Variants in XXYLT1 observed in about 807,000 individuals in gnomAD.
XXYLT1 encodes the protein xyloside xylosyltransferase 1.
In XXYLT1, 20 loss-of-function variants were observed where a neutral mutation model predicts 28.9. That is an observed-to-expected ratio of 0.69 (90% CI 0.49 to 1.00). The LOEUF (loss-of-function observed/expected upper bound fraction) is 1.00, where lower values mean the gene tolerates loss of function less well. XXYLT1 is among the 50% of genes least tolerant of loss of function. XXYLT1 has a pLI of 0.00. For synonymous variants in XXYLT1, 257 were observed against 253.8 expected (o/e 1.01, Z -0.12); for missense variants, 542 against 560.1 (o/e 0.97, Z 0.33).
Position 195,085,871 on chromosome 3 carries a change from G to C in XXYLT1, c.786-15760C>G, listed in dbSNP as rs530873015. Reference sequence around the variant, plus strand: ...GGCTAGCCTCCTCCCCCACCCCGAGGCTAGCCCCTGAGGCAGCTGCCCCCA... The same window carrying C: ...GGCTAGCCTCCTCCCCCACCCCGAGCCTAGCCCCTGAGGCAGCTGCCCCCA... On this transcript the variant is annotated intron_variant, in intron 3 of 3. Coordinates refer to ENST00000310380, the MANE Select transcript of XXYLT1 (RefSeq NM_152531.5). The C allele has an allele frequency of 2.7e-4, 41 of 152,450 alleles. 2 individuals carry two copies. The South Asian group carries it at 6.4e-3, about 24-fold the overall frequency. The allele number at this position is 152,450 out of a possible 1,614,324, so 9.4% of individuals were successfully genotyped here.
In XXYLT1 at chr3:195,187,388, C is replaced by T. The variant is rs75591803; in HGVS notation, c.653-30807G>A. Among the ~76,000 whole-genome samples the T allele has an allele frequency of 5.8e-3, 887 of 152,284 alleles. 5 individuals carry two copies. Among genetic ancestry groups the T allele is most frequent in the African/African-American group, 0.02 (836 of 41,562 alleles). On this transcript the variant is annotated intron_variant, in intron 2 of 3. Transcript: ENST00000310380. ...AGCTGAAGCTTTGCTTCTCACTCCT[C>T]CCAACTGTCTCTTCTGTGTCCCTTC... is the stretch of plus-strand genomic sequence containing the variant.
chr3:195,266,062 G>C (rs971381711), intron 1 of XXYLT1, among the ~76,000 whole-genome samples: 1 of 152,184 alleles, frequency 6.6e-6, no homozygotes, highest in Non-Finnish European at 1.5e-5. Flanking sequence ...GACAACAGAT[G>C]CTCAGAAGCA....
chr3:195,197,993 G>A (rs1309185778), intron 2 of XXYLT1, among the ~76,000 whole-genome samples: 2 of 152,218 alleles, frequency 1.3e-5, no homozygotes, highest in African/African-American at 2.4e-5. Flanking sequence ...TGGCTCACAC[G>A]CTAATCGGGC....
intron 2 of XXYLT1, among the ~76,000 whole-genome samples, chr3:195,169,817 A>G (rs7640430): frequency 0.89 from 133,769 of 149,936 alleles, 59,776 homozygotes; most frequent in African/African-American, 0.95. Flanking sequence ...TAGGAGTATC[A>G]GTGTGTCAAA....
At chr3:195,194,832 A>C (rs73890726) in intron 2 of XXYLT1, among the ~76,000 whole-genome samples, 8,237 of 152,264 alleles carry the variant, frequency 0.054, 688 homozygotes, top group African/African-American at 0.19. Context: ...TATATGATTC[A>C]ATTTACATGA....
At chr3:195,087,911 A>G (rs1715837075) in intron 3 of XXYLT1, among the ~76,000 whole-genome samples, 1 of 151,804 alleles carries the variant, frequency 6.6e-6, no homozygotes, top group Non-Finnish European at 1.5e-5. Flanking sequence ...AAGGGAGTCA[A>G]AGAAAGGGGT....
At chr3:195,162,778 T>C (rs1720934987) in intron 2 of XXYLT1, among the ~76,000 whole-genome samples, 1 of 152,234 alleles carries the variant, frequency 6.6e-6, no homozygotes, top group South Asian at 2.1e-4. Flanking sequence ...TTGGGGGACT[T>C]ACATAAGACA....
intron 3 of XXYLT1, among the ~76,000 whole-genome samples, chr3:195,089,400 C>T (rs28760108): frequency 0.088 from 13,442 of 152,012 alleles, 694 homozygotes; most frequent in East Asian, 0.24. Flanking sequence ...GGATTTTCAA[C>T]GCAGAATTTC....
intron 3 of XXYLT1, among the ~76,000 whole-genome samples, chr3:195,110,692 G>A (rs561548820): frequency 4.5e-3 from 557 of 124,292 alleles, no homozygotes; most frequent in East Asian, 0.037. Context: ...TGTGCTGTAT[G>A]TGTGCATGTG....
intron 3 of XXYLT1, among the ~76,000 whole-genome samples, chr3:195,155,033 C>T (rs1258772368): frequency 6.6e-6 from 1 of 152,182 alleles, no homozygotes; most frequent in African/African-American, 2.4e-5. Flanking sequence ...CCTCTCAAGT[C>T]GCCAACCCCT....
intron 3 of XXYLT1, among the ~76,000 whole-genome samples, chr3:195,148,968 T>C (rs1385222357): frequency 6.6e-6 from 1 of 152,142 alleles, no homozygotes; most frequent in African/African-American, 2.4e-5. Flanking sequence ...AAAACAAAGA[T>C]TGGCTAAGGG....
chr3:195,158,285 GC>G (rs1720706128), intron 2 of XXYLT1, among the ~76,000 whole-genome samples: 1 of 152,168 alleles, frequency 6.6e-6, no homozygotes, highest in Admixed American at 6.5e-5. Context: ...CTGTCTGCCT[GC>G]CTGTGGTCAT....
intron 2 of XXYLT1, among the ~76,000 whole-genome samples, chr3:195,221,074 C>A (rs904555249): frequency 5.3e-5 from 8 of 152,128 alleles, no homozygotes; most frequent in African/African-American, 1.7e-4. Flanking sequence ...CACGGCATTC[C>A]TCCCATAACC....
At chr3:195,175,986 A>C in intron 2 of XXYLT1, 9 of 1,127,370 alleles carry the variant, frequency 8.0e-6, no homozygotes, top group African/African-American at 3.2e-5. Flanking sequence ...CACAGAGGTC[A>C]TCAGTGTATA....
chr3:195,192,278 C>A (rs1429382909), intron 2 of XXYLT1, among the ~76,000 whole-genome samples: 8 of 151,868 alleles, frequency 5.3e-5, no homozygotes, highest in African/African-American at 1.7e-4. Context: ...TACAAAAATT[C>A]GCCAGGTGTG....
intron 2 of XXYLT1, chr3:195,184,560 TA>T (rs1722094142): frequency 6.2e-6 from 6 of 970,622 alleles, no homozygotes; most frequent in Non-Finnish European, 7.3e-6. Flanking sequence ...TCTGGAAGTT[TA>T]AGAAAATCCT....
intron 1 of XXYLT1, among the ~76,000 whole-genome samples, chr3:195,231,212 T>C (rs568182253): frequency 6.6e-6 from 1 of 152,338 alleles, no homozygotes; most frequent in African/African-American, 2.4e-5. Flanking sequence ...TTTTTGTATG[T>C]TGAATTTGTA....
chr3:195,177,243 ATG>A, intron 2 of XXYLT1, among the ~76,000 whole-genome samples: 6 of 152,120 alleles, frequency 3.9e-5, no homozygotes, highest in African/African-American at 1.4e-4. Flanking sequence ...TGCATCTGTG[ATG>A]CTTCCTAGAC....
intron 3 of XXYLT1, among the ~76,000 whole-genome samples, chr3:195,104,877 TAC>T (rs139794346): frequency 0.017 from 2,547 of 152,332 alleles, 62 homozygotes; most frequent in African/African-American, 0.058. Flanking sequence ...TCCCAGTGTC[TAC>T]AGTTAGAATA....
Sources: allele counts gnomAD v4.1 joint callset (sites outside exome capture counted in the v4.1 genomes callset), GRCh38; gene constraint gnomAD v4.1.1; transcripts MANE v1.5; gene names NCBI Gene and HGNC (gene_info 2026-07-23, HGNC 2026-07-21).